Variants in CADM2 observed in about 807,000 individuals in gnomAD.
The protein encoded by CADM2 is cell adhesion molecule 2.
CADM2 carries 12 observed loss-of-function variants against 49.8 expected under a neutral mutation model. The ratio of observed to expected loss-of-function variants is 0.24; its 90% CI spans 0.15 to 0.39. CADM2 has a LOEUF of 0.39. CADM2 is among the 10% of genes least tolerant of loss of function. The pLI is 1.00. For missense variants in CADM2, 378 were observed against 492.3 expected, an observed-to-expected ratio of 0.77 and a Z score of 2.20; for synonymous variants, 214 against 175.4, an observed-to-expected ratio of 1.22 and a Z score of -1.74.
chr3:85,048,022 C>T (rs1037451728), intron 1 of CADM2, among the ~76,000 whole-genome samples: 1 of 152,182 alleles, frequency 6.6e-6, no homozygotes, highest in South Asian at 2.1e-4. Context: ...CCATAATATG[C>T]TCAGCACCAT....
intron 1 of CADM2, among the ~76,000 whole-genome samples, chr3:85,449,052 A>AAAAAAAAATAATAAT (rs71617939): frequency 2.7e-4 from 29 of 107,432 alleles, no homozygotes; most frequent in Non-Finnish European, 5.6e-4. Flanking sequence ...TCCAACTCAA[A>AAAAAAAAATAATAAT]AATAATAATA....
intron 1 of CADM2, among the ~76,000 whole-genome samples, chr3:85,329,720 T>G (rs906602170): frequency 1.3e-5 from 2 of 152,292 alleles, no homozygotes; most frequent in African/African-American, 4.8e-5. Context: ...GTATAATTCG[T>G]TATTTTAAAC....
chr3:85,110,538 T>C (rs755140352), intron 1 of CADM2, among the ~76,000 whole-genome samples: 1 of 151,906 alleles, frequency 6.6e-6, no homozygotes, highest in Non-Finnish European at 1.5e-5. Context: ...TCATATGTTA[T>C]AGTGCAAAGG....
chr3:85,498,181 T>C (rs2039980702), intron 1 of CADM2, among the ~76,000 whole-genome samples: 1 of 151,846 alleles, frequency 6.6e-6, no homozygotes, highest in Non-Finnish European at 1.5e-5. Context: ...GTTTTTTTTT[T>C]TTTTTTTGTA....
At chr3:85,363,491 C>A (rs2107288081) in intron 1 of CADM2, among the ~76,000 whole-genome samples, 1 of 151,842 alleles carries the variant, frequency 6.6e-6, no homozygotes, top group East Asian at 1.9e-4. Context: ...CTGCTAACAA[C>A]TTTCAGTGTC....
intron 1 of CADM2, among the ~76,000 whole-genome samples, chr3:85,706,730 AT>A (rs2066962684): frequency 6.6e-6 from 1 of 152,170 alleles, no homozygotes; most frequent in Admixed American, 6.5e-5. Flanking sequence ...AGAGAACAAA[AT>A]CTGTATCATC....
intron 1 of CADM2, among the ~76,000 whole-genome samples, chr3:85,237,132 G>A (rs1276056827): frequency 2.0e-5 from 3 of 151,994 alleles, no homozygotes; most frequent in Non-Finnish European, 4.4e-5. Context: ...AAAGGCAAGC[G>A]ATTAGTTTTC....
chr3:85,733,726 CT>C (rs1471103223), intron 2 of CADM2, among the ~76,000 whole-genome samples: 1 of 152,064 alleles, frequency 6.6e-6, no homozygotes, highest in African/African-American at 2.4e-5. Flanking sequence ...AGCATTGCTA[CT>C]TTAAGTTTGT....
chr3:85,218,436 C>T lies in CADM2; in HGVS notation c.61+258768C>T, dbSNP rs9855678. Among the ~76,000 whole-genome samples the T allele has an allele frequency of 5.0e-3, 760 of 152,198 alleles. 5 individuals carry two copies. Among genetic ancestry groups the T allele is most frequent in the Middle Eastern group, 0.024 (7 of 294 alleles). ...AAATTATATCATCACGTCATAACCC[C>T]TCAGTGCTCCAGGCGGCCTTTAGAG... On this transcript the variant is annotated intron_variant, in intron 1 of 9. Coordinates refer to ENST00000383699, the MANE Select transcript of CADM2 (RefSeq NM_001167675.2).
At chr3:85,153,506 T>G (rs764879681) in intron 1 of CADM2, among the ~76,000 whole-genome samples, 11 of 152,040 alleles carry the variant, frequency 7.2e-5, no homozygotes, top group Non-Finnish European at 1.6e-4. Flanking sequence ...GCAGCAAGGC[T>G]GGGGGAGGGG....
At chr3:85,852,521 CA>C (rs2108295670) in intron 3 of CADM2, among the ~76,000 whole-genome samples, 1 of 151,582 alleles carries the variant, frequency 6.6e-6, no homozygotes, top group East Asian at 1.9e-4. Context: ...AATCTGTCTT[CA>C]AAAAAGTCAT....
chr3:85,219,626 A>C (rs1396580581), intron 1 of CADM2, among the ~76,000 whole-genome samples: 1 of 152,244 alleles, frequency 6.6e-6, no homozygotes, highest in Non-Finnish European at 1.5e-5. Context: ...AGAAAATTGT[A>C]GTCATTAGAC....
intron 1 of CADM2, among the ~76,000 whole-genome samples, chr3:85,657,160 C>T (rs2065225969): frequency 6.6e-6 from 1 of 152,056 alleles, no homozygotes; most frequent in African/African-American, 2.4e-5. Flanking sequence ...GAATCTTTTG[C>T]AGCAAATGTT....
At chr3:85,509,713 CA>C (rs1053459259) in intron 1 of CADM2, among the ~76,000 whole-genome samples, 3 of 151,966 alleles carry the variant, frequency 2.0e-5, no homozygotes, top group African/African-American at 7.2e-5. Flanking sequence ...ATAGTTATAT[CA>C]AAAATGAATT....
At chr3:85,423,239 T>G (rs1010377438) in intron 1 of CADM2, among the ~76,000 whole-genome samples, 1 of 152,062 alleles carries the variant, frequency 6.6e-6, no homozygotes. Flanking sequence ...CTACCACTCT[T>G]CTGCTCATGG....
chr3:85,119,912 G>C (rs772054101), intron 1 of CADM2, among the ~76,000 whole-genome samples: 2 of 152,102 alleles, frequency 1.3e-5, no homozygotes, highest in Non-Finnish European at 2.9e-5. Context: ...CTACGGAATG[G>C]GAGAAAATTT....
At chr3:85,531,118 AAT>A (rs1338572575) in intron 1 of CADM2, among the ~76,000 whole-genome samples, 3 of 152,178 alleles carry the variant, frequency 2.0e-5, no homozygotes, top group African/African-American at 7.2e-5. Flanking sequence ...CGATTCACTG[AAT>A]ATCCTTCTAC....
intron 1 of CADM2, among the ~76,000 whole-genome samples, chr3:85,189,433 A>C (rs2041149723): frequency 1.3e-5 from 2 of 152,286 alleles, no homozygotes; most frequent in South Asian, 2.1e-4. Flanking sequence ...TTATGTAGGT[A>C]ACTGAATTTT....
At chr3:85,564,382 G>T (rs1433471536) in intron 1 of CADM2, among the ~76,000 whole-genome samples, 1 of 152,020 alleles carries the variant, frequency 6.6e-6, no homozygotes, top group Admixed American at 6.6e-5. Context: ...TATGCCTCAA[G>T]GATATAAGTC....
Sources: gnomAD v4.1 joint callset for allele counts (sites outside exome capture counted in the v4.1 genomes callset) on GRCh38, gnomAD v4.1.1 for gene constraint, MANE v1.5 for transcripts, NCBI Gene and HGNC (gene_info 2026-07-23, HGNC 2026-07-21) for gene names.